PTPRK: variants seen among roughly 807,000 people sequenced by gnomAD.
PTPRK encodes receptor-type tyrosine-protein phosphatase kappa.
Under a neutral mutation model 178.0 loss-of-function variants are expected in PTPRK, and 75 were observed. The ratio of observed to expected loss-of-function variants is 0.42; its 90% CI spans 0.35 to 0.51. The LOEUF (loss-of-function observed/expected upper bound fraction) is 0.51. Ranked by LOEUF, PTPRK falls within the 20% of genes least tolerant of loss-of-function variation. The probability of loss-of-function intolerance (pLI) is 0.02; values close to 1 mark genes in which losing one functional copy is unlikely to be tolerated. For synonymous variants in PTPRK, 637 were observed against 620.6 expected, an observed-to-expected ratio of 1.03 and a Z score of -0.39; for missense variants, 1,441 against 1,797.8, an observed-to-expected ratio of 0.80 and a Z score of 3.59.
chr6:128,176,033 G>T (rs181765956), intron 7 of PTPRK, among the ~76,000 whole-genome samples: 2 of 151,868 alleles, frequency 1.3e-5, no homozygotes, highest in South Asian at 4.2e-4. Context: ...GGAGAGAGAT[G>T]GAGAAGCAGG....
At chr6:127,974,490 C>T (rs1774296456) in intron 27 of PTPRK, among the ~76,000 whole-genome samples, 1 of 152,208 alleles carries the variant, frequency 6.6e-6, no homozygotes, top group South Asian at 2.1e-4. Context: ...GAATGACCAA[C>T]TTGTCCCAGG....
At chr6:128,282,013 A>G (rs1161581924) in intron 3 of PTPRK, among the ~76,000 whole-genome samples, 1 of 152,204 alleles carries the variant, frequency 6.6e-6, no homozygotes, top group Non-Finnish European at 1.5e-5. Context: ...AAGTGATAGC[A>G]TAAGATTAGC....
intron 7 of PTPRK, among the ~76,000 whole-genome samples, chr6:128,150,775 A>G (rs1354166775): frequency 2.6e-5 from 4 of 152,170 alleles, no homozygotes; most frequent in Non-Finnish European, 4.4e-5. Context: ...TTTAATGTCA[A>G]ATCCTGGCTC....
intron 2 of PTPRK, among the ~76,000 whole-genome samples, chr6:128,336,565 C>A (rs746327015): frequency 2.0e-5 from 3 of 152,128 alleles, no homozygotes; most frequent in Non-Finnish European, 2.9e-5. Flanking sequence ...TTGTGATATA[C>A]TTTCAGGCTT....
intron 3 of PTPRK, among the ~76,000 whole-genome samples, chr6:128,304,626 T>C (rs1826107969): frequency 6.6e-6 from 1 of 152,198 alleles, no homozygotes; most frequent in Non-Finnish European, 1.5e-5. Context: ...AATTAAAACA[T>C]ATATAACTCT....
At chr6:128,331,227 C>T (rs899176150) in intron 2 of PTPRK, among the ~76,000 whole-genome samples, 6 of 152,106 alleles carry the variant, frequency 3.9e-5, no homozygotes, top group South Asian at 2.1e-4. Context: ...ATAAAAAAGT[C>T]GGACAACTAT....
intron 6 of PTPRK, among the ~76,000 whole-genome samples, chr6:128,193,178 T>C (rs530072569): frequency 2.3e-4 from 35 of 150,740 alleles, no homozygotes; most frequent in African/African-American, 8.1e-4. Flanking sequence ...CACCTACAAA[T>C]TGTTACTCTT....
intron 1 of PTPRK, among the ~76,000 whole-genome samples, chr6:128,441,858 G>A (rs1199034888): frequency 6.6e-6 from 1 of 152,170 alleles, no homozygotes; most frequent in African/African-American, 2.4e-5. Flanking sequence ...TCATTCTAAA[G>A]AGAAGCCATC....
chr6:128,361,340 C>G (rs2128342454), intron 2 of PTPRK, among the ~76,000 whole-genome samples: 1 of 152,250 alleles, frequency 6.6e-6, no homozygotes. Flanking sequence ...AAAAAACAAA[C>G]AGTATTCAGT....
intron 1 of PTPRK, among the ~76,000 whole-genome samples, chr6:128,470,269 T>A (rs1008297248): frequency 6.6e-6 from 1 of 151,618 alleles, no homozygotes; most frequent in Non-Finnish European, 1.5e-5. Flanking sequence ...CATATATATA[T>A]ATATATATGA....
intron 6 of PTPRK, among the ~76,000 whole-genome samples, chr6:128,207,428 C>T (rs115270756): frequency 0.026 from 3,902 of 152,178 alleles, 105 homozygotes; most frequent in African/African-American, 0.07. Flanking sequence ...AAAAATCAGA[C>T]GTACAGAATT....
chr6:128,115,003 C>T (rs1430887977), intron 7 of PTPRK, among the ~76,000 whole-genome samples: 1 of 151,882 alleles, frequency 6.6e-6, no homozygotes, highest in African/African-American at 2.4e-5. Context: ...TAAACCAAAA[C>T]ACAGTCCCCC....
intron 13 of PTPRK, among the ~76,000 whole-genome samples, chr6:128,057,575 T>A (rs187290942): frequency 0.027 from 4,058 of 152,284 alleles, 177 homozygotes; most frequent in African/African-American, 0.093. Context: ...ACATGTGCTG[T>A]CCCAATTCCA....
intron 2 of PTPRK, among the ~76,000 whole-genome samples, chr6:128,377,566 C>A (rs1029340116): frequency 3.3e-5 from 5 of 152,042 alleles, no homozygotes; most frequent in African/African-American, 4.8e-5. Flanking sequence ...ATATGACTGA[C>A]TTGTAAGTAA....
chr6:128,249,298 T>TTTAA (rs1554372270), intron 3 of PTPRK, among the ~76,000 whole-genome samples: 1 of 132,838 alleles, frequency 7.5e-6, no homozygotes, highest in African/African-American at 2.7e-5. Context: ...TGGTGTGATT[T>TTTAA]AAAAAAAAAA....
intron 15 of PTPRK, among the ~76,000 whole-genome samples, chr6:128,001,842 A>G (rs954820769): frequency 1.3e-5 from 2 of 151,918 alleles, no homozygotes; most frequent in Non-Finnish European, 2.9e-5. Context: ...ATTTTTTTCC[A>G]ATTAGTTCTC....
At chr6:128,335,274 G>C (rs907632322) in intron 2 of PTPRK, among the ~76,000 whole-genome samples, 1 of 152,134 alleles carries the variant, frequency 6.6e-6, no homozygotes, top group Admixed American at 6.5e-5. Context: ...TGAGTGGATT[G>C]TTGCAAGGAT....
At chr6:128,060,067 G>C (rs1006322089) in intron 13 of PTPRK, among the ~76,000 whole-genome samples, 4 of 152,086 alleles carry the variant, frequency 2.6e-5, no homozygotes, top group Non-Finnish European at 5.9e-5. Flanking sequence ...TGAGAGCAGA[G>C]AGAGAGGTTC....
In PTPRK at chr6:128,184,641, A is replaced by G. The variant is rs1413950685; in HGVS notation, c.953T>C (p.Ile318Thr). ...TTTCAGGATGATAGGACCATCGCCA[A>G]TGATCGAGTTGGCATTTAGTTGGAT... Reference protein sequence around the residue: ...LLIQLNANSIIGDGPIILKEV... With the variant: ...LLIQLNANSITGDGPIILKEV... The change falls in exon 7 of 30, where the codon ATT becomes ACT. Residue 318 changes from isoleucine (I) to threonine (T), a missense_variant. Physicochemically the swap from Ile to Thr is moderately conservative, Grantham distance 89 (BLOSUM62 -1). Coordinates refer to ENST00000368226, the MANE Select transcript of PTPRK (RefSeq NM_002844.4). 1 of 1,614,064 alleles carries G rather than the reference A, an allele frequency of 6.2e-7. No homozygotes were observed. Among genetic ancestry groups the G allele is most frequent in the Non-Finnish European group, 8.5e-7 (1 of 1,179,956 alleles).
Sources: gnomAD v4.1 joint callset for allele counts (sites outside exome capture counted in the v4.1 genomes callset) on GRCh38, gnomAD v4.1.1 for gene constraint, MANE v1.5 for transcripts, NCBI Gene and HGNC (gene_info 2026-07-23, HGNC 2026-07-21) for gene names.